CLSTN2: variants seen among roughly 807,000 people sequenced by gnomAD.
CLSTN2 encodes the protein calsyntenin-2.
Under a neutral mutation model 101.2 loss-of-function variants are expected in CLSTN2, and 48 were observed. The observed-to-expected ratio is 0.47, with a 90% CI of 0.38 to 0.60. The LOEUF is 0.60. Among genes scored for constraint, CLSTN2 ranks in the 20% least tolerant of loss-of-function variants. The pLI is 0.00. For synonymous variants in CLSTN2, 481 were observed against 463.6 expected (o/e 1.04, Z -0.48); for missense variants, 1,160 against 1,238.2 (o/e 0.94, Z 0.95).
chr3:140,182,409 G>C (rs956576844), intron 2 of CLSTN2, among the ~76,000 whole-genome samples: 2 of 152,166 alleles, frequency 1.3e-5, no homozygotes, highest in African/African-American at 4.8e-5. Flanking sequence ...AACCACATCA[G>C]GACCTCATTT....
At chr3:140,201,098 C>T (rs142226002) in intron 2 of CLSTN2, among the ~76,000 whole-genome samples, 90 of 152,200 alleles carry the variant, frequency 5.9e-4, no homozygotes, top group African/African-American at 2.1e-3. Context: ...CTGAGATGAA[C>T]GTGACAGAGG....
intron 8 of CLSTN2, among the ~76,000 whole-genome samples, chr3:140,523,489 A>G (rs1398270101): frequency 2.0e-5 from 3 of 152,024 alleles, no homozygotes; most frequent in Admixed American, 1.3e-4. Context: ...TCTGTTGTTA[A>G]TGTTATATTA....
At chr3:140,149,619 C>A (rs1376722885) in intron 1 of CLSTN2, among the ~76,000 whole-genome samples, 2 of 152,242 alleles carry the variant, frequency 1.3e-5, no homozygotes, top group East Asian at 1.9e-4. Flanking sequence ...CCACCATGCC[C>A]AGCTAATTTT....
chr3:140,304,223 T>C (rs1187412008), intron 2 of CLSTN2, among the ~76,000 whole-genome samples: 2 of 152,224 alleles, frequency 1.3e-5, no homozygotes, highest in Admixed American at 1.3e-4. Context: ...TTTCCATCAC[T>C]GATAATCTAA....
chr3:140,271,863 A>G (rs192855153), intron 2 of CLSTN2, among the ~76,000 whole-genome samples: 74 of 152,362 alleles, frequency 4.9e-4, no homozygotes, highest in African/African-American at 1.6e-3. Flanking sequence ...TGCAGACACC[A>G]GATGTGTAGG....
At chr3:140,360,466 G>A (rs1411781117) in intron 2 of CLSTN2, among the ~76,000 whole-genome samples, 1 of 152,200 alleles carries the variant, frequency 6.6e-6, no homozygotes, top group African/African-American at 2.4e-5. Context: ...ATCAAGAAAG[G>A]TCTCTCAAAG....
intron 2 of CLSTN2, among the ~76,000 whole-genome samples, chr3:140,375,906 C>A (rs753975351): frequency 5.3e-5 from 8 of 152,052 alleles, no homozygotes; most frequent in Non-Finnish European, 4.4e-5. Context: ...ATCTTGGATG[C>A]CCAGAAACAG....
intron 1 of CLSTN2, among the ~76,000 whole-genome samples, chr3:139,998,168 A>C (rs2006723455): frequency 6.6e-6 from 1 of 152,062 alleles, no homozygotes; most frequent in African/African-American, 2.4e-5. Context: ...ATGGGTCAAT[A>C]ATCAGAACAG....
intron 2 of CLSTN2, among the ~76,000 whole-genome samples, chr3:140,226,055 G>C (rs764922201): frequency 6.6e-6 from 1 of 152,174 alleles, no homozygotes; most frequent in African/African-American, 2.4e-5. Flanking sequence ...GGAATTAACT[G>C]TTGATATATA....
At chr3:140,449,797 AAGTTAGGAC>A (rs1933197321) in intron 6 of CLSTN2, 1 of 152,208 alleles carries the variant, frequency 6.6e-6, no homozygotes. Flanking sequence ...AAGATAAGCA[AAGTTAGGAC>A]AGGGTAGAAA....
chr3:140,493,948 T>C (rs781132534), intron 8 of CLSTN2, among the ~76,000 whole-genome samples: 1 of 152,192 alleles, frequency 6.6e-6, no homozygotes, highest in Non-Finnish European at 1.5e-5. Context: ...ATTAGATTAA[T>C]AAAGGGTGAT....
At chr3:140,157,829 T>A (rs1466975003) in intron 1 of CLSTN2, among the ~76,000 whole-genome samples, 1 of 152,244 alleles carries the variant, frequency 6.6e-6, no homozygotes, top group African/African-American at 2.4e-5. Flanking sequence ...CAAGTAAGCT[T>A]TATTCCTGGG....
intron 2 of CLSTN2, among the ~76,000 whole-genome samples, chr3:140,199,529 T>C (rs1209505577): frequency 6.6e-6 from 1 of 152,228 alleles, no homozygotes; most frequent in Non-Finnish European, 1.5e-5. Flanking sequence ...AAATCCTCTC[T>C]GGTGGTAAGA....
chr3:140,484,727 T>C (rs1053561874), intron 8 of CLSTN2, among the ~76,000 whole-genome samples: 4 of 152,230 alleles, frequency 2.6e-5, no homozygotes, highest in African/African-American at 4.8e-5. Context: ...CCATCACTGA[T>C]ACCCTTTCTT....
chr3:140,558,970 T>TATAC, intron 12 of CLSTN2, 113 bp downstream of exon 12: 2 of 770,014 alleles, frequency 2.6e-6, no homozygotes, highest in Non-Finnish European at 4.2e-6. Context: ...GGCTTAAATG[T>TATAC]ATACATGGCA....
chr3:140,126,007 T>G, intron 1 of CLSTN2, among the ~76,000 whole-genome samples: 1 of 151,622 alleles, frequency 6.6e-6, no homozygotes, highest in Non-Finnish European at 1.5e-5. Context: ...TATACTAGAG[T>G]GAATGAGAGG....
chr3:140,351,353 A>C (rs1403930093), intron 2 of CLSTN2, among the ~76,000 whole-genome samples: 1 of 152,232 alleles, frequency 6.6e-6, no homozygotes, highest in Non-Finnish European at 1.5e-5. Context: ...TGAGATACAA[A>C]GCTGGTTCAT....
At chr3:140,423,805 C>G (rs534769545) in intron 5 of CLSTN2, among the ~76,000 whole-genome samples, 8 of 152,220 alleles carry the variant, frequency 5.3e-5, no homozygotes, top group African/African-American at 1.2e-4. Context: ...ACCCCTTCCC[C>G]TTTTCCCCTC....
In CLSTN2 at chr3:140,526,591, C is replaced by CA. The variant is rs1277569697; in HGVS notation, c.1345-5730dup. ...CATAAATTTATATGAAACAAACAAA[C>CA]AAACAAAAAAAAAAAACAACCACAG... On this transcript the variant is annotated intron_variant, in intron 8 of 16. Transcript: ENST00000458420. Among the ~76,000 whole-genome samples the CA allele has an allele frequency of 1.7e-3, 199 of 115,796 alleles. 1 individual carries two copies. The highest frequency in any genetic ancestry group is 5.4e-3 in the African/African-American group (160 of 29,760). 76.0% of individuals were successfully genotyped at this position (115,796 alleles called of 152,430 possible). A position where few individuals can be genotyped will look rare whatever the true frequency, so the allele number is the denominator to read the frequency against.
Sources: allele counts gnomAD v4.1 joint callset (sites outside exome capture counted in the v4.1 genomes callset), GRCh38; gene constraint gnomAD v4.1.1; transcripts MANE v1.5; gene names NCBI Gene and HGNC (gene_info 2026-07-23, HGNC 2026-07-21).